OSBPL9: variants seen among roughly 807,000 people sequenced by gnomAD.
OSBPL9 encodes the protein oxysterol binding protein like 9.
A neutral mutation model predicts 106.6 loss-of-function variants in OSBPL9; 40 were observed. The ratio of observed to expected loss-of-function variants is 0.38; its 90% CI spans 0.29 to 0.49. OSBPL9 has a LOEUF of 0.49. OSBPL9 is among the 20% of genes least tolerant of loss of function. OSBPL9 has a pLI of 0.97. For synonymous variants in OSBPL9, 269 were observed against 295.4 expected (o/e 0.91, Z 0.92); for missense variants, 609 against 887.2 (o/e 0.69, Z 3.98).
upstream of OSBPL9, among the ~76,000 whole-genome samples, chr1:51,574,862 A>G (rs1256677972): frequency 6.6e-6 from 1 of 152,198 alleles, no homozygotes; most frequent in Non-Finnish European, 1.5e-5. Context: ...TGAGCAATCA[A>G]TTTCCATTTA....
chr1:51,542,807 G>A, the OSBPL9 span, among the ~76,000 whole-genome samples: 1 of 152,138 alleles, frequency 6.6e-6, no homozygotes, highest in African/African-American at 2.4e-5. Context: ...TGACTCCAAA[G>A]CCCACCTCCC....
intron 15 of OSBPL9, among the ~76,000 whole-genome samples, chr1:51,777,563 T>A (rs2149127747): frequency 6.6e-6 from 1 of 152,310 alleles, no homozygotes; most frequent in East Asian, 1.9e-4. Context: ...GACTGTGGTT[T>A]ACTGAAGCTA....
chr1:51,577,590 T>C (rs1294498845), intron 1 of OSBPL9, among the ~76,000 whole-genome samples: 1 of 152,184 alleles, frequency 6.6e-6, no homozygotes, highest in Non-Finnish European at 1.5e-5. Context: ...CAGGCATTTC[T>C]TTATAGCAAT....
chr1:51,789,161 T>TAAC lies in OSBPL9; in HGVS notation c.*1373_*1375dup, dbSNP rs1250113063. ...CAATGGAAGCCCTAAGGCAGTAGTATAACTAACTCCATAAAATACAAACAA... is the reference window on the plus strand; with the variant it reads ...CAATGGAAGCCCTAAGGCAGTAGTATAACAACTAACTCCATAAAATACAAACAA... On this transcript the variant is annotated 3_prime_UTR_variant, in exon 24 of 24. Coordinates refer to ENST00000428468, the MANE Select transcript of OSBPL9 (RefSeq NM_024586.6). 4.8e-5 allele frequency: 66 copies of TAAC among 1,387,806 alleles called. No individual in the cohort carries two copies. The East Asian group carries it at 5.0e-4, about 11-fold the overall frequency. The allele number at this position is 1,387,806 out of a possible 1,614,324, so 86.0% of individuals were successfully genotyped here. A position where few individuals can be genotyped will look rare whatever the true frequency, so the allele number is the denominator to read the frequency against.
chr1:51,787,654 T>C lies in OSBPL9; in HGVS notation c.2137-61T>C, dbSNP rs1678024374. 3.8e-6 allele frequency: 6 copies of C among 1,595,212 alleles called. No individual in the cohort carries two copies. In the Admixed American group the frequency reaches 5.0e-5, roughly 13 times the overall value. On this transcript the variant is annotated intron_variant, in intron 23 of 23. Coordinates refer to ENST00000428468, the MANE Select transcript of OSBPL9 (RefSeq NM_024586.6). ...GGGGTGGGGAGCAGATATGAAATAG[T>C]AAGTATATTACAGAAGTACAAAGCA...
chr1:51,558,012 AAATCATGCCTGT>A, the OSBPL9 span, among the ~76,000 whole-genome samples: 1 of 152,198 alleles, frequency 6.6e-6, no homozygotes, highest in African/African-American at 2.4e-5. Context: ...ATTTAAAAAA[AAATCATGCCTGT>A]AATCCTAGCA....
At chr1:51,639,068 G>A (rs902134747) in intron 1 of OSBPL9, among the ~76,000 whole-genome samples, 15 of 152,098 alleles carry the variant, frequency 9.9e-5, no homozygotes, top group African/African-American at 3.4e-4. Context: ...TTTTATTGAC[G>A]TATAATTTTC....
chr1:51,645,574 G>A (rs1372194225), intron 1 of OSBPL9, among the ~76,000 whole-genome samples: 1 of 151,894 alleles, frequency 6.6e-6, no homozygotes, highest in Non-Finnish European at 1.5e-5. Flanking sequence ...AAACTCCTGG[G>A]CTCAAGGGAT....
chr1:51,704,652 GCA>G (rs1269559161), intron 3 of OSBPL9, among the ~76,000 whole-genome samples: 1 of 152,208 alleles, frequency 6.6e-6, no homozygotes, highest in African/African-American at 2.4e-5. Context: ...CTTCCAGGTT[GCA>G]CAGTCAACTT....
At chr1:51,690,827 T>C (rs902374206) in intron 3 of OSBPL9, among the ~76,000 whole-genome samples, 7 of 152,210 alleles carry the variant, frequency 4.6e-5, no homozygotes, top group Non-Finnish European at 8.8e-5. Flanking sequence ...GGGAAATGCG[T>C]CATTAGACAG....
Position 51,699,327 on chromosome 1 carries a change from C to A in OSBPL9, c.242-14676C>A, listed in dbSNP as rs140558352. ...CTGGAATGTCTTCCCTGTCAGTGCC[C>A]CTCTCCTTCTCCACATACCCCCACT... is the stretch of plus-strand genomic sequence containing the variant. On this transcript the variant is annotated intron_variant, in intron 3 of 23. Coordinates refer to ENST00000428468, the MANE Select transcript of OSBPL9 (RefSeq NM_024586.6). 2.6e-5 allele frequency among the ~76,000 whole-genome samples: 4 copies of A among 151,726 alleles called. No homozygotes were observed. In the East Asian group the frequency reaches 7.7e-4, roughly 29 times the overall value.
At chr1:51,690,302 A>G (rs1654689116) in intron 3 of OSBPL9, among the ~76,000 whole-genome samples, 1 of 152,290 alleles carries the variant, frequency 6.6e-6, no homozygotes. Context: ...ATTAATCTAC[A>G]TTTGGTTTTC....
At position 51,720,886 on chromosome 1, in the gene OSBPL9, C is replaced by T. The variant is rs150409190; in HGVS notation, c.318+6807C>T. ...AATCTCAGCTCACTGCAGCCTCGAC[C>T]TCCCAGGCTCAAGCAGTCCTCTCAC... On this transcript the variant is annotated intron_variant, in intron 4 of 23. Transcript: ENST00000428468. 5.8e-4 allele frequency among the ~76,000 whole-genome samples: 87 copies of T among 150,756 alleles called. 5 individuals are homozygous for T. In the East Asian group the frequency reaches 0.016, roughly 28 times the overall value.
chr1:51,640,790 T>G (rs1369617728), intron 1 of OSBPL9, among the ~76,000 whole-genome samples: 2 of 151,592 alleles, frequency 1.3e-5, no homozygotes, highest in Admixed American at 1.3e-4. Context: ...ATAATAGTAA[T>G]GTAAAGATAA....
At chr1:51,644,545 C>G (rs1646024928) in intron 1 of OSBPL9, among the ~76,000 whole-genome samples, 1 of 152,068 alleles carries the variant, frequency 6.6e-6, no homozygotes, top group Admixed American at 6.5e-5. Context: ...CCAGGCTGGT[C>G]TTGAACTCCC....
chr1:51,783,443 C>A (rs1346634146), intron 17 of OSBPL9, among the ~76,000 whole-genome samples: 1 of 151,944 alleles, frequency 6.6e-6, no homozygotes, highest in Non-Finnish European at 1.5e-5. Flanking sequence ...GTCTTGGCCT[C>A]CCAAAGTACT....
intron 17 of OSBPL9, among the ~76,000 whole-genome samples, chr1:51,783,356 T>TA (rs1676847264): frequency 6.6e-6 from 1 of 150,966 alleles, no homozygotes; most frequent in Admixed American, 6.6e-5. Flanking sequence ...CTTATTTTTT[T>TA]TTTTTTTTTT....
chr1:51,701,627 A>G lies in OSBPL9; in HGVS notation c.242-12376A>G, dbSNP rs544178009. Among the ~76,000 whole-genome samples the G allele has an allele frequency of 1.1e-4, 17 of 150,830 alleles. No homozygotes were observed. In the East Asian group the frequency reaches 3.1e-3, roughly 28 times the overall value. On this transcript the variant is annotated intron_variant, in intron 3 of 23. Transcript: ENST00000428468. ...TTTTTTTGGCCTATCCTTTCACTAT[A>G]TAGTCAAAATACTGGTTTTTTTTGT...
At chr1:51,782,725 G>T (rs1676687692) in intron 17 of OSBPL9, 82 bp downstream of exon 17, 2 of 1,218,372 alleles carry the variant, frequency 1.6e-6, no homozygotes, top group East Asian at 2.4e-5. Context: ...CATAGCTGAG[G>T]GTACTGTCAG....
Sources: allele counts gnomAD v4.1 joint callset (sites outside exome capture counted in the v4.1 genomes callset), GRCh38; gene constraint gnomAD v4.1.1; transcripts MANE v1.5; gene names NCBI Gene and HGNC (gene_info 2026-07-23, HGNC 2026-07-21).